The following EGFLAM variants were observed in gnomAD, a reference collection of about 807,000 sequenced individuals.
The protein encoded by EGFLAM is EGF like, fibronectin type III and laminin G domains.
In EGFLAM, 79 loss-of-function variants were observed where a neutral mutation model predicts 113.1. The ratio of observed to expected loss-of-function variants is 0.70; its 90% CI spans 0.58 to 0.84. EGFLAM has a LOEUF of 0.84. EGFLAM is among the 40% of genes least tolerant of loss of function. The pLI is 0.00. For missense variants in EGFLAM, 1,265 were observed against 1,291.6 expected, an observed-to-expected ratio of 0.98 and a Z score of 0.32; for synonymous variants, 504 against 487.6, an observed-to-expected ratio of 1.03 and a Z score of -0.44.
chr5:38,259,806 A>G (rs1023679672), intron 1 of EGFLAM, among the ~76,000 whole-genome samples: 13 of 152,336 alleles, frequency 8.5e-5, no homozygotes, highest in Middle Eastern at 3.4e-3. Context: ...ACCTCACAGA[A>G]AGTGCAGTTT....
intron 5 of EGFLAM, among the ~76,000 whole-genome samples, chr5:38,358,882 GTT>G (rs1161230589): frequency 6.6e-6 from 1 of 152,112 alleles, no homozygotes; most frequent in Non-Finnish European, 1.5e-5. Context: ...ATTTTGCAGT[GTT>G]TTAAACACTT....
At chr5:38,369,843 C>A (rs1740158143) in intron 5 of EGFLAM, among the ~76,000 whole-genome samples, 1 of 152,196 alleles carries the variant, frequency 6.6e-6, no homozygotes, top group African/African-American at 2.4e-5. Context: ...TGGGTTTTCC[C>A]ATGACAATTC....
At chr5:38,349,660 A>G (rs1739562355) in intron 3 of EGFLAM, among the ~76,000 whole-genome samples, 1 of 151,902 alleles carries the variant, frequency 6.6e-6, no homozygotes. Context: ...CCCAATTACT[A>G]TTTAGTGCTG....
At chr5:38,318,218 A>G (rs1368682222) in intron 1 of EGFLAM, among the ~76,000 whole-genome samples, 2 of 151,832 alleles carry the variant, frequency 1.3e-5, no homozygotes, top group East Asian at 1.9e-4. Context: ...TTTTAGACTT[A>G]TTAATTTTAG....
chr5:38,294,893 T>C (rs1255274504), intron 1 of EGFLAM, among the ~76,000 whole-genome samples: 1 of 152,162 alleles, frequency 6.6e-6, no homozygotes, highest in Non-Finnish European at 1.5e-5. Context: ...TGGCGCAGTC[T>C]CGGCTCACCA....
intron 1 of EGFLAM, among the ~76,000 whole-genome samples, chr5:38,279,161 C>A (rs986389501): frequency 6.6e-6 from 1 of 152,090 alleles, no homozygotes; most frequent in African/African-American, 2.4e-5. Context: ...ATCAAAATTA[C>A]AATGAGATAT....
At chr5:38,319,720 G>T (rs1306875869) in intron 1 of EGFLAM, among the ~76,000 whole-genome samples, 5 of 152,216 alleles carry the variant, frequency 3.3e-5, no homozygotes, top group East Asian at 1.9e-4. Context: ...AGCCATCAAG[G>T]CTGAAGTATC....
chr5:38,334,246 G>C (rs967178133), intron 1 of EGFLAM, among the ~76,000 whole-genome samples: 1 of 152,112 alleles, frequency 6.6e-6, no homozygotes. Flanking sequence ...AGAGTTCTTT[G>C]TTATCTTAGT....
intron 1 of EGFLAM, among the ~76,000 whole-genome samples, chr5:38,329,870 T>C (rs566967155): frequency 1.6e-4 from 24 of 152,284 alleles, no homozygotes; most frequent in African/African-American, 5.5e-4. Flanking sequence ...CTCTTCATCA[T>C]TAACGTAGAG....
intron 6 of EGFLAM, among the ~76,000 whole-genome samples, chr5:38,375,278 C>T (rs1336106794): frequency 6.6e-6 from 1 of 152,044 alleles, no homozygotes; most frequent in Non-Finnish European, 1.5e-5. Flanking sequence ...TTAGTTAGAC[C>T]CAAACCAAGA....
chr5:38,409,069 G>T lies in EGFLAM; in HGVS notation c.1314G>T (p.Met438Ile), dbSNP rs1460389809. The change falls in exon 10 of 22, where the codon ATG becomes ATT. Residue 438 changes from methionine (M) to isoleucine (I), a missense_variant. Coordinates refer to ENST00000322350, the MANE Select transcript of EGFLAM (RefSeq NM_152403.4). The stretch of plus-strand genomic sequence containing the variant: ...ACGAACACGGGAGGGGGGATTTCAT[G>T]TCCCTGGCTATCATCCGACGCTCCC... ...GENEHGRGDF[M>I]SLAIIRRSLQ... 5 of 1,592,890 alleles carry T rather than the reference G, an allele frequency of 3.1e-6. No homozygotes were observed. The highest frequency in any genetic ancestry group is 3.4e-6 in the Non-Finnish European group (4 of 1,168,476).
At chr5:38,289,452 G>A (rs952745728) in intron 1 of EGFLAM, among the ~76,000 whole-genome samples, 2 of 152,196 alleles carry the variant, frequency 1.3e-5, no homozygotes, top group African/African-American at 4.8e-5. Context: ...TGAAACAAAT[G>A]TGGTTCATGC....
At chr5:38,283,460 G>A (rs1758075503) in intron 1 of EGFLAM, among the ~76,000 whole-genome samples, 1 of 152,142 alleles carries the variant, frequency 6.6e-6, no homozygotes. Flanking sequence ...TAATAATAAT[G>A]ATAATTAACA....
chr5:38,451,491 C>T (rs1561102541), intron 19 of EGFLAM, 33 bp downstream of exon 19: 2 of 1,604,016 alleles, frequency 1.2e-6, no homozygotes, highest in Admixed American at 3.4e-5. Flanking sequence ...TCAGCAGCAC[C>T]TTGCGATTTT....
rs771110913 is a variant in EGFLAM, at chr5:38,427,190, CAACT to C, written c.1993_1996del (p.Asn665TrpfsTer51). On this transcript the variant is annotated frameshift_variant, in exon 14 of 22. Coordinates refer to ENST00000322350, the MANE Select transcript of EGFLAM (RefSeq NM_152403.4). LOFTEE classifies it high-confidence loss of function. ...CAGGCAGCAAAGACTTCCTGTCCAT[CAACT>C]TGGCAGGGGGCCACGTGGAGTTCCG... 1 of 1,614,190 alleles carries C rather than the reference CAACT, an allele frequency of 6.2e-7. No homozygotes were observed. Among genetic ancestry groups the C allele is most frequent in the Non-Finnish European group, 8.5e-7 (1 of 1,180,036 alleles).
intron 17 of EGFLAM, among the ~76,000 whole-genome samples, chr5:38,440,894 C>T (rs373631021): frequency 6.6e-6 from 1 of 152,282 alleles, no homozygotes; most frequent in South Asian, 2.1e-4. Flanking sequence ...TCTTTTTCAG[C>T]CTCATCAGAG....
chr5:38,326,459 A>G (rs1354754161), intron 1 of EGFLAM, among the ~76,000 whole-genome samples: 1 of 151,726 alleles, frequency 6.6e-6, no homozygotes, highest in Non-Finnish European at 1.5e-5. Context: ...CAGCACTAAC[A>G]ACCTCCTTCC....
chr5:38,389,953 T>C (rs1740767180), intron 6 of EGFLAM, among the ~76,000 whole-genome samples: 1 of 152,206 alleles, frequency 6.6e-6, no homozygotes, highest in Admixed American at 6.5e-5. Context: ...TTAGGCTTTG[T>C]TACATTGTTT....
chr5:38,461,957 A>C (rs1026859483), intron 20 of EGFLAM, among the ~76,000 whole-genome samples: 3 of 152,036 alleles, frequency 2.0e-5, no homozygotes, highest in Non-Finnish European at 4.4e-5. Context: ...CTAGGTCAGG[A>C]GATCGAGACC....
Sources: allele counts gnomAD v4.1 joint callset (sites outside exome capture counted in the v4.1 genomes callset), GRCh38; gene constraint gnomAD v4.1.1; transcripts MANE v1.5; gene names NCBI Gene and HGNC (gene_info 2026-07-23, HGNC 2026-07-21).